The following FBXL2 variants were observed in gnomAD, a reference collection of about 807,000 sequenced individuals.
The protein encoded by FBXL2 is F-box/LRR-repeat protein 2.
Under a neutral mutation model 69.2 loss-of-function variants are expected in FBXL2, and 38 were observed. The observed-to-expected ratio is 0.55, with a 90% CI of 0.42 to 0.72. The LOEUF is 0.72. Ranked by LOEUF, FBXL2 falls within the 30% of genes least tolerant of loss-of-function variation. FBXL2 has a pLI of 0.00. For synonymous variants in FBXL2, 192 were observed against 201.3 expected (o/e 0.95, Z 0.39); for missense variants, 354 against 520.3 (o/e 0.68, Z 3.11).
downstream of FBXL2, chr3:33,391,573 CTTGG>C (rs1575442555): frequency 6.6e-6 from 1 of 152,206 alleles, no homozygotes; most frequent in Non-Finnish European, 1.5e-5. Context: ...AAATCAAACT[CTTGG>C]TTGATTTACC....
intron 2 of FBXL2, among the ~76,000 whole-genome samples, chr3:33,341,568 G>C (rs1007957834): frequency 6.6e-6 from 1 of 152,054 alleles, no homozygotes; most frequent in Non-Finnish European, 1.5e-5. Flanking sequence ...GGTGGCTCAC[G>C]CCTGTAATCC....
At chr3:33,281,448 T>C (rs2033994643) in intron 1 of FBXL2, among the ~76,000 whole-genome samples, 1 of 152,230 alleles carries the variant, frequency 6.6e-6, no homozygotes. Flanking sequence ...CTATCATTGT[T>C]GGACATTTGG....
the FBXL2 span, chr3:33,411,484 T>C: frequency 2.9e-6 from 3 of 1,025,842 alleles, no homozygotes; most frequent in Non-Finnish European, 3.0e-6. Flanking sequence ...AGTTTATAAA[T>C]AGACATTTAA....
At chr3:33,281,238 C>G (rs1200150220) in intron 1 of FBXL2, among the ~76,000 whole-genome samples, 1 of 152,032 alleles carries the variant, frequency 6.6e-6, no homozygotes, top group Admixed American at 6.6e-5. Flanking sequence ...TGTTCCCCAC[C>G]CTGTGTCCAA....
At chr3:33,299,261 C>T (rs113376494) in intron 2 of FBXL2, among the ~76,000 whole-genome samples, 40 of 152,046 alleles carry the variant, frequency 2.6e-4, no homozygotes, top group Admixed American at 3.3e-4. Context: ...AGGCTGATCT[C>T]GAACTCCTGA....
intron 2 of FBXL2, among the ~76,000 whole-genome samples, chr3:33,345,316 CAAGT>C (rs1296193384): frequency 3.9e-5 from 6 of 152,218 alleles, no homozygotes; most frequent in African/African-American, 1.4e-4. Context: ...ACCCTTTTTC[CAAGT>C]AAGGTAATAT....
At chr3:33,322,357 C>T (rs988450243) in intron 2 of FBXL2, among the ~76,000 whole-genome samples, 5 of 151,830 alleles carry the variant, frequency 3.3e-5, no homozygotes, top group African/African-American at 9.7e-5. Context: ...GGATTACAGG[C>T]GTGAGCTACG....
chr3:33,286,404 G>A (rs945859772), intron 1 of FBXL2, among the ~76,000 whole-genome samples: 2 of 152,186 alleles, frequency 1.3e-5, no homozygotes, highest in East Asian at 1.9e-4. Flanking sequence ...TGGAAGCTTC[G>A]TCTCAGATGG....
intron 11 of FBXL2, 38 bp downstream of exon 11, chr3:33,377,371 T>C (rs995569007): frequency 1.3e-6 from 2 of 1,593,460 alleles, no homozygotes; most frequent in Non-Finnish European, 1.7e-6. Flanking sequence ...CAAACTCTAA[T>C]TCACCTCCCG....
At chr3:33,327,159 A>G (rs1276640012) in intron 2 of FBXL2, among the ~76,000 whole-genome samples, 1 of 152,214 alleles carries the variant, frequency 6.6e-6, no homozygotes, top group Non-Finnish European at 1.5e-5. Flanking sequence ...CAGCACTTTT[A>G]TAATCATTGC....
At chr3:33,347,829 GC>G (rs2040556253) in intron 2 of FBXL2, among the ~76,000 whole-genome samples, 1 of 152,088 alleles carries the variant, frequency 6.6e-6, no homozygotes, top group South Asian at 2.1e-4. Flanking sequence ...TTTGAGAAAT[GC>G]CTATTCAGAT....
chr3:33,339,763 A>G (rs2039877626), intron 2 of FBXL2, among the ~76,000 whole-genome samples: 1 of 152,210 alleles, frequency 6.6e-6, no homozygotes, highest in East Asian at 1.9e-4. Flanking sequence ...CTTTAGTCTA[A>G]CAGTTTCTTC....
At chr3:33,318,723 T>A (rs2037922261) in intron 2 of FBXL2, among the ~76,000 whole-genome samples, 1 of 123,798 alleles carries the variant, frequency 8.1e-6, no homozygotes, top group African/African-American at 3.5e-5. Flanking sequence ...TCTAATTTTT[T>A]AAACATAACT....
intron 10 of FBXL2, among the ~76,000 whole-genome samples, chr3:33,376,434 G>C (rs2042646086): frequency 6.6e-6 from 1 of 152,138 alleles, no homozygotes; most frequent in East Asian, 1.9e-4. Context: ...TGTAGAGAAG[G>C]TACTATATCA....
At chr3:33,342,289 G>A (rs1332156234) in intron 2 of FBXL2, among the ~76,000 whole-genome samples, 1 of 151,554 alleles carries the variant, frequency 6.6e-6, no homozygotes, top group Non-Finnish European at 1.5e-5. Flanking sequence ...ACAGGTATAA[G>A]CCACTGTGCC....
intron 12 of FBXL2, chr3:33,397,290 C>G (rs570263413): frequency 1.9e-6 from 1 of 524,488 alleles, no homozygotes; most frequent in South Asian, 3.5e-5. Context: ...CAAACAGACA[C>G]CTGTCCTTCA....
Position 33,385,975 on chromosome 3 carries a change from A to C in FBXL2, c.*367A>C. ...AGTGTTAGCACAAACTGAGCAGAAA[A>C]AATAAGCTGTTGATTTTCTACCTGA... On this transcript the variant is annotated 3_prime_UTR_variant, in exon 15 of 15. Coordinates refer to ENST00000484457, the MANE Select transcript of FBXL2 (RefSeq NM_012157.5). 5.1e-6 allele frequency: 1 copy of C among 196,460 alleles called. No individual in the cohort carries two copies. The highest frequency in any genetic ancestry group is 1.0e-4 in the South Asian group (1 of 9,804). 12.2% of individuals were successfully genotyped at this position (196,460 alleles called of 1,614,324 possible). A position where few individuals can be genotyped will look rare whatever the true frequency, so the allele number is the denominator to read the frequency against.
chr3:33,419,215 C>A, the FBXL2 span, among the ~76,000 whole-genome samples: 2 of 152,048 alleles, frequency 1.3e-5, no homozygotes, highest in African/African-American at 2.4e-5. Flanking sequence ...CAAGAGTTGG[C>A]CAAGTGGAGT....
At chr3:33,333,935 A>C (rs980021582) in intron 2 of FBXL2, among the ~76,000 whole-genome samples, 3 of 152,020 alleles carry the variant, frequency 2.0e-5, no homozygotes, top group Non-Finnish European at 4.4e-5. Context: ...TTTTTTTTTA[A>C]TATAGTGGCT....
Sources: allele counts gnomAD v4.1 joint callset (sites outside exome capture counted in the v4.1 genomes callset), GRCh38; gene constraint gnomAD v4.1.1; transcripts MANE v1.5; gene names NCBI Gene and HGNC (gene_info 2026-07-23, HGNC 2026-07-21).